The following KLF8 variants were observed in gnomAD, a reference collection of about 807,000 sequenced individuals.
KLF8 encodes Krueppel-like factor 8.
Under a neutral mutation model 18.2 loss-of-function variants are expected in KLF8, and 10 were observed. The observed-to-expected ratio is 0.55, with a 90% confidence interval of 0.34 to 0.93. The LOEUF (loss-of-function observed/expected upper bound fraction) is 0.93. Among genes scored for constraint, KLF8 ranks in the 40% least tolerant of loss-of-function variants. KLF8 has a pLI of 0.02. For missense variants in KLF8, 264 were observed against 277.9 expected, an observed-to-expected ratio of 0.95 and a Z score of 0.36; for synonymous variants, 109 against 97.3, an observed-to-expected ratio of 1.12 and a Z score of -0.71.
the KLF8 span, among the ~76,000 whole-genome samples, chrX:56,031,562 G>A: frequency 1.3e-4 from 14 of 111,700 alleles, no homozygotes; most frequent in African/African-American, 3.2e-4. Context: ...GCGTTCCACC[G>A]GGCCAATTGC....
the KLF8 span, among the ~76,000 whole-genome samples, chrX:56,032,648 G>T: frequency 8.9e-6 from 1 of 112,071 alleles, no homozygotes; most frequent in African/African-American, 3.2e-5. Flanking sequence ...CTGTGTTGTT[G>T]TGCATGTCAG....
the KLF8 span, among the ~76,000 whole-genome samples, chrX:56,016,993 T>C: frequency 9.0e-6 from 1 of 111,257 alleles, no homozygotes; most frequent in Admixed American, 9.6e-5. Context: ...CTGGAGAGGT[T>C]AGTGGTGGAT....
At chrX:55,961,027 G>A in the KLF8 span, among the ~76,000 whole-genome samples, 1 of 111,311 alleles carries the variant, frequency 9.0e-6, no homozygotes, top group Non-Finnish European at 1.9e-5. Context: ...AAAGAGAGTA[G>A]GGGTTGTTAT....
the KLF8 span, among the ~76,000 whole-genome samples, chrX:56,217,093 A>G: frequency 8.9e-6 from 1 of 112,182 alleles, no homozygotes. Context: ...CATGGTAGCC[A>G]GGAATGTGAA....
intron 1 of KLF8, among the ~76,000 whole-genome samples, chrX:56,245,205 G>T (rs2066607002): frequency 8.9e-6 from 1 of 111,960 alleles, no homozygotes; most frequent in African/African-American, 3.2e-5. Context: ...CCCGGGTCAG[G>T]GTTTCCAGTG....
the KLF8 span, among the ~76,000 whole-genome samples, chrX:55,994,186 AG>A: frequency 1.9e-4 from 21 of 109,624 alleles, no homozygotes; most frequent in Admixed American, 1.8e-3. Flanking sequence ...CTGGGTTTAC[AG>A]GCTTGAGGCA....
chrX:56,096,898 G>T, the KLF8 span, among the ~76,000 whole-genome samples: 3 of 110,813 alleles, frequency 2.7e-5, no homozygotes, highest in Non-Finnish European at 5.7e-5. Context: ...GAATTCGAGG[G>T]CATTAAAATG....
At chrX:56,158,490 A>T in the KLF8 span, among the ~76,000 whole-genome samples, 2 of 111,705 alleles carry the variant, frequency 1.8e-5, no homozygotes, top group Non-Finnish European at 3.8e-5. Flanking sequence ...GAGTATGGCC[A>T]TTTTCACAAT....
chrX:56,183,037 C>T, the KLF8 span, among the ~76,000 whole-genome samples: 1 of 112,608 alleles, frequency 8.9e-6, no homozygotes, highest in African/African-American at 3.2e-5. Flanking sequence ...ATTTCTGCTG[C>T]CTTTTATTCC....
the KLF8 span, among the ~76,000 whole-genome samples, chrX:56,191,270 A>G: frequency 8.9e-6 from 1 of 112,136 alleles, no homozygotes; most frequent in South Asian, 3.7e-4. Context: ...AGGAAATTTG[A>G]AACATGAACA....
the KLF8 span, among the ~76,000 whole-genome samples, chrX:56,123,271 A>AAAAG: frequency 0.52 from 46,929 of 91,101 alleles, 10,734 homozygotes; most frequent in Non-Finnish European, 0.66. Flanking sequence ...GAAAGAAAGA[A>AAAAG]AAAGAAAGAA....
At chrX:56,189,068 T>A in the KLF8 span, among the ~76,000 whole-genome samples, 1 of 111,284 alleles carries the variant, frequency 9.0e-6, no homozygotes, top group Non-Finnish European at 1.9e-5. Flanking sequence ...GAAACTACCA[T>A]CAGAGTGAAC....
At chrX:56,135,168 A>G in the KLF8 span, among the ~76,000 whole-genome samples, 1 of 111,255 alleles carries the variant, frequency 9.0e-6, no homozygotes, top group African/African-American at 3.3e-5. Context: ...CTAGAATTAG[A>G]AATACCATTT....
chrX:56,163,970 T>C, the KLF8 span, among the ~76,000 whole-genome samples: 1 of 112,127 alleles, frequency 8.9e-6, no homozygotes, highest in Non-Finnish European at 1.9e-5. Context: ...TCTGTCTTTG[T>C]ACCAGTACCA....
chrX:56,127,279 A>G, the KLF8 span, among the ~76,000 whole-genome samples: 1 of 111,720 alleles, frequency 9.0e-6, no homozygotes, highest in African/African-American at 3.3e-5. Flanking sequence ...TGAACAAATG[A>G]AAAATTTGCT....
At chrX:56,225,606 A>G in the KLF8 span, among the ~76,000 whole-genome samples, 1 of 112,235 alleles carries the variant, frequency 8.9e-6, no homozygotes, top group Non-Finnish European at 1.9e-5. Context: ...CAGTTCAACA[A>G]AATAATAGCA....
chrX:56,134,251 A>G, the KLF8 span, among the ~76,000 whole-genome samples: 1 of 111,873 alleles, frequency 8.9e-6, no homozygotes, highest in Admixed American at 9.5e-5. Flanking sequence ...GCATCACATT[A>G]CCTGACTTCA....
the KLF8 span, among the ~76,000 whole-genome samples, chrX:56,058,304 A>ATATATACATACG: frequency 2.6e-5 from 2 of 77,253 alleles, no homozygotes; most frequent in African/African-American, 9.1e-5. Flanking sequence ...ATATATATAT[A>ATATATACATACG]TATATATATA....
At chrX:55,960,990 A>G in the KLF8 span, among the ~76,000 whole-genome samples, 2 of 111,853 alleles carry the variant, frequency 1.8e-5, no homozygotes, top group Non-Finnish European at 3.8e-5. Context: ...GGGAATGGAG[A>G]TAGGTTTATC....
Sources: gnomAD v4.1 joint callset for allele counts (sites outside exome capture counted in the v4.1 genomes callset) on GRCh38, gnomAD v4.1.1 for gene constraint, MANE v1.5 for transcripts, NCBI Gene and HGNC (gene_info 2026-07-23, HGNC 2026-07-21) for gene names.